GAD1: variants seen among roughly 807,000 people sequenced by gnomAD.
GAD1 encodes 67 kDa glutamic acid decarboxylase.
In GAD1, 35 loss-of-function variants were observed where a neutral mutation model predicts 75.2. That is an observed-to-expected ratio of 0.47 (90% confidence interval 0.36 to 0.62). The LOEUF is 0.62. GAD1 is among the 20% of genes least tolerant of loss of function. The pLI is 0.00. For missense variants in GAD1, 490 were observed against 758.5 expected (o/e 0.65, Z 4.16); for synonymous variants, 257 against 271.9 (o/e 0.95, Z 0.54).
rs1031709961 is a variant in GAD1 at position 170,859,753 on chromosome 2, C to A, written c.1656C>A (p.Thr552=). ...IKALMMESGT[T]MVGYQPQGDK... is the part of the protein sequence containing the mutation. Reference sequence around the variant, plus strand: ...CCCTGATGATGGAGTCAGGTACGACCATGGTTGGCTACCAGCCCCAAGGGG... The same window carrying A: ...CCCTGATGATGGAGTCAGGTACGACAATGGTTGGCTACCAGCCCCAAGGGG... The change falls in exon 17 of 17, where the codon ACC becomes ACA. Residue 552 remains threonine (T), a synonymous_variant. Coordinates refer to ENST00000358196, the MANE Select transcript of GAD1 (RefSeq NM_000817.3). The A allele has an allele frequency of 8.1e-6, 13 of 1,614,148 alleles. No individual in the cohort carries two copies. The highest frequency in any genetic ancestry group is 1.1e-5 in the Non-Finnish European group (13 of 1,180,032).
At position 170,836,659 on chromosome 2, in the gene GAD1, T is replaced by G. The variant is rs770811372; in HGVS notation, c.548-134T>G. The G allele has an allele frequency of 1.1e-4, 77 of 718,754 alleles. 1 individual carries two copies. The highest frequency in any genetic ancestry group is 2.2e-4 in the Admixed American group (11 of 49,738). The allele number at this position is 718,754 out of a possible 1,614,324, so 44.5% of individuals were successfully genotyped here. A position where few individuals can be genotyped will look rare whatever the true frequency, so the allele number is the denominator to read the frequency against. ...TCAACCTGCCCTTCCTTTTTCAATA[T>G]CCTTGAGCAGCCTTATTCGACATAT... is the stretch of plus-strand genomic sequence containing the variant. On this transcript the variant is annotated intron_variant, in intron 5 of 16. Coordinates refer to ENST00000358196, the MANE Select transcript of GAD1 (RefSeq NM_000817.3).
chr2:170,818,761 A>G lies in GAD1; in HGVS notation c.82+88A>G. On this transcript the variant is annotated intron_variant, in intron 2 of 16. Transcript: ENST00000358196. This position sits in a 1 kb window ranked among gnomAD's most constrained non-coding sequence, Gnocchi z 5.9. ...GGGAGGCTGAGCTGGCGGAAAGGGA[A>G]GGGGGAGCGCGGAGATAATGGAGGC... is the stretch of plus-strand genomic sequence containing the variant. 1 of 1,270,714 alleles carries G rather than the reference A, an allele frequency of 7.9e-7. No individual in the cohort carries two copies. Among genetic ancestry groups the G allele is most frequent in the South Asian group, 1.2e-5 (1 of 84,158 alleles). The allele number at this position is 1,270,714 out of a possible 1,614,324, so 78.7% of individuals were successfully genotyped here. A position where few individuals can be genotyped will look rare whatever the true frequency, so the allele number is the denominator to read the frequency against.
chr2:170,827,780 A>G (rs556505726), intron 3 of GAD1, among the ~76,000 whole-genome samples: 2 of 152,296 alleles, frequency 1.3e-5, no homozygotes, highest in East Asian at 1.9e-4. Context: ...TCAGTCCCCA[A>G]TCCTAGATGC....
rs544356365 is a variant in GAD1 at position 170,858,823 on chromosome 2, G to T, written c.1541G>T (p.Cys514Phe). The change falls in exon 16 of 17, where the codon TGT (cysteine) becomes TTT (phenylalanine). Residue 514 changes from cysteine (C) to phenylalanine (F), a missense_variant. Physicochemically the swap from Cys to Phe is radical, Grantham distance 205. Transcript: ENST00000358196. ...CTGCAGCCTGAGCACACAAACGTCTGTTTTTGGTATATTCCACAAAGCCTC... is the reference window on the plus strand; with the variant it reads ...CTGCAGCCTGAGCACACAAACGTCTTTTTTTGGTATATTCCACAAAGCCTC... ...FNGEPEHTNV[C>F]FWYIPQSLRG... is the part of the protein sequence containing the mutation. 6 of 1,614,128 alleles carry T rather than the reference G, an allele frequency of 3.7e-6. No homozygotes were observed. In the Admixed American group the frequency reaches 1.0e-4, roughly 27 times the overall value.
chr2:170,854,340 T>G (rs551960429), intron 14 of GAD1, among the ~76,000 whole-genome samples: 1 of 150,398 alleles, frequency 6.6e-6, no homozygotes, highest in Admixed American at 6.6e-5. Context: ...AGTGCAGGCA[T>G]AGAGAAAGAT....
intron 14 of GAD1, among the ~76,000 whole-genome samples, chr2:170,855,209 CTTT>C (rs536241751): frequency 0.023 from 2,947 of 129,232 alleles, 101 homozygotes; most frequent in Admixed American, 0.11. Flanking sequence ...GTCATTTTGT[CTTT>C]TTTTTTTTTT....
At chr2:170,820,703 C>T (rs1422787211) in intron 2 of GAD1, among the ~76,000 whole-genome samples, 1 of 152,194 alleles carries the variant, frequency 6.6e-6, no homozygotes, top group Non-Finnish European at 1.5e-5. Context: ...CCCCGTCTCC[C>T]TTTCCCTTTC....
At chr2:170,820,424 A>C (rs1449913007) in intron 2 of GAD1, among the ~76,000 whole-genome samples, 1 of 152,216 alleles carries the variant, frequency 6.6e-6, no homozygotes, top group Non-Finnish European at 1.5e-5. Context: ...GCGGGCCCTT[A>C]GCCTAGCTAC....
At chr2:170,822,691 C>CTTT (rs1701921498) in intron 3 of GAD1, among the ~76,000 whole-genome samples, 1 of 152,268 alleles carries the variant, frequency 6.6e-6, no homozygotes, top group Non-Finnish European at 1.5e-5. Context: ...GTCTCTCCAC[C>CTTT]TTGAGGGGTT....
chr2:170,842,696 T>C, intron 6 of GAD1: 3 of 1,611,500 alleles, frequency 1.9e-6, no homozygotes, highest in Non-Finnish European at 2.5e-6. Context: ...CTCCTAAATT[T>C]CCAGGGGCCT....
At chr2:170,845,220 C>G in intron 7 of GAD1, 1 of 488,928 alleles carries the variant, frequency 2.0e-6, no homozygotes, top group Non-Finnish European at 3.7e-6. Flanking sequence ...ATGCAGCTAC[C>G]TCTTATATTT....
chr2:170,852,956 G>A, intron 13 of GAD1, 164 bp downstream of exon 13: 2 of 703,706 alleles, frequency 2.8e-6, no homozygotes, highest in Middle Eastern at 6.8e-4. Flanking sequence ...CAGCTAACCT[G>A]GTTTCTTCTC....
At chr2:170,851,631 C>G (rs1702745055) in intron 12 of GAD1, among the ~76,000 whole-genome samples, 1 of 152,192 alleles carries the variant, frequency 6.6e-6, no homozygotes, top group Non-Finnish European at 1.5e-5. Flanking sequence ...ATTGCTCTAT[C>G]TAGGGGAAAA....
chr2:170,830,120 C>T (rs988602538), intron 4 of GAD1, among the ~76,000 whole-genome samples: 1 of 152,174 alleles, frequency 6.6e-6, no homozygotes, highest in Admixed American at 6.5e-5. Flanking sequence ...GGTGCTTTAC[C>T]AGTCTCTCCC....
intron 5 of GAD1, 75 bp from the exon 6 acceptor site, chr2:170,836,718 T>TG: frequency 1.0e-6 from 1 of 983,994 alleles, no homozygotes; most frequent in Non-Finnish European, 1.6e-6. Flanking sequence ...TGTGACCCAG[T>TG]GGGGCAGGCC....
chr2:170,854,266 A>C (rs1702804712), intron 14 of GAD1, among the ~76,000 whole-genome samples: 1 of 152,104 alleles, frequency 6.6e-6, no homozygotes, highest in Non-Finnish European at 1.5e-5. Context: ...TTCTCTTATA[A>C]CAACTAAAAA....
At chr2:170,854,055 A>G in intron 14 of GAD1, 33 bp downstream of exon 14, 1 of 1,613,780 alleles carries the variant, frequency 6.2e-7, no homozygotes, top group Non-Finnish European at 8.5e-7. Context: ...AATAGAGCAG[A>G]AATGTAATTT....
Position 170,853,947 on chromosome 2 carries a change from CGACACCGGG to C in GAD1, c.1343_1351del (p.Thr448_Asp450del). 1 of 1,614,032 alleles carries C rather than the reference CGACACCGGG, an allele frequency of 6.2e-7. No homozygotes were observed. Among genetic ancestry groups the C allele is most frequent in the Non-Finnish European group, 8.5e-7 (1 of 1,179,996 alleles). On this transcript the variant is annotated inframe_deletion, in exon 14 of 17. Transcript: ENST00000358196. The surrounding 1 kb of genome is among the most constrained non-coding windows in gnomAD (Gnocchi z 4.1). Reference sequence around the variant, plus strand: ...CAGACAAGCAGTATGATGTCTCCTACGACACCGGGGACAAGGCAATTCAGTGTGGCCGCC... The same window carrying C: ...CAGACAAGCAGTATGATGTCTCCTACGACAAGGCAATTCAGTGTGGCCGCC...
chr2:170,831,853 G>T (rs372008068), intron 5 of GAD1, among the ~76,000 whole-genome samples: 2 of 148,202 alleles, frequency 1.3e-5, no homozygotes, highest in Non-Finnish European at 3.0e-5. Context: ...GCATGGTGGC[G>T]TGCACCTGTA....
Sources: gnomAD v4.1 joint callset for allele counts (sites outside exome capture counted in the v4.1 genomes callset) on GRCh38, gnomAD v4.1.1 for gene constraint, Gnocchi (gnomAD v3.1) non-coding constraint, MANE v1.5 for transcripts, NCBI Gene and HGNC (gene_info 2026-07-23, HGNC 2026-07-21) for gene names.